Variants in ORC2 observed in about 807,000 individuals in gnomAD.
ORC2 encodes origin recognition complex protein 2 homolog.
In ORC2, 37 loss-of-function variants were observed where a neutral mutation model predicts 77.7. That is an observed-to-expected ratio of 0.48 (90% CI 0.37 to 0.63). The LOEUF is 0.63. ORC2 is among the 20% of genes least tolerant of loss of function. The probability of loss-of-function intolerance (pLI) is 0.00; values close to 1 mark genes in which losing one functional copy is unlikely to be tolerated. For synonymous variants in ORC2, 201 were observed against 229.5 expected (o/e 0.88, Z 1.12); for missense variants, 557 against 661.9 (o/e 0.84, Z 1.74).
At position 200,910,545 on chromosome 2, in the gene ORC2, AT is replaced by A. The variant is rs1362195505; in HGVS notation, c.*755del. The A allele has an allele frequency of 1.3e-5, 2 of 152,168 alleles. No individual in the cohort carries two copies. Among genetic ancestry groups the A allele is most frequent in the African/African-American group, 4.8e-5 (2 of 41,432 alleles). The allele number at this position is 152,168 out of a possible 1,614,324, so 9.4% of individuals were successfully genotyped here. A position where few individuals can be genotyped will look rare whatever the true frequency, so the allele number is the denominator to read the frequency against. The stretch of plus-strand genomic sequence containing the variant: ...AACAATTACTAAAATGTAATTCAGG[AT>A]TTTATTTCTCTAGCCTGGCTTCTCA... On this transcript the variant is annotated 3_prime_UTR_variant, in exon 18 of 18. Coordinates refer to ENST00000234296, the MANE Select transcript of ORC2 (RefSeq NM_006190.5).
intron 5 of ORC2, among the ~76,000 whole-genome samples, chr2:200,946,485 A>G (rs1465510509): frequency 1.3e-5 from 2 of 152,222 alleles, no homozygotes; most frequent in African/African-American, 2.4e-5. Flanking sequence ...AGTCTGTTAA[A>G]CTGCGTTCCT....
At chr2:200,915,312 C>A (rs1427410118) in intron 15 of ORC2, among the ~76,000 whole-genome samples, 3 of 151,276 alleles carry the variant, frequency 2.0e-5, no homozygotes, top group African/African-American at 7.4e-5. Flanking sequence ...ACAAGTTTTT[C>A]TTTTCTTTTT....
chr2:200,958,378 C>T (rs1409059005), intron 2 of ORC2, among the ~76,000 whole-genome samples: 1 of 151,992 alleles, frequency 6.6e-6, no homozygotes, highest in Non-Finnish European at 1.5e-5. Context: ...ATCAAGGTAG[C>T]TAAAATATAC....
At chr2:200,927,783 C>T (rs180712483) in intron 11 of ORC2, among the ~76,000 whole-genome samples, 113 of 151,396 alleles carry the variant, frequency 7.5e-4, no homozygotes, top group African/African-American at 2.5e-3. Flanking sequence ...CTGCAACCTC[C>T]GCCTCCCGGG....
Position 200,933,882 on chromosome 2 carries a change from C to A in ORC2, c.801G>T (p.Leu267=). ...RTLQKLKRAK[L]DQQTLRNLLS... ...AACATTCCTTGTAACATACCTGATC[C>A]AGTTTAGCTCTCTTTAGCTTCTGCA... Residue 267 remains leucine, a synonymous_variant, in exon 10 of 18, where the codon CTG becomes CTT. Coordinates refer to ENST00000234296, the MANE Select transcript of ORC2 (RefSeq NM_006190.5). 1 of 1,588,976 alleles carries A rather than the reference C, an allele frequency of 6.3e-7. No individual in the cohort carries two copies. The highest frequency in any genetic ancestry group is 1.7e-4 in the Middle Eastern group (1 of 5,916).
At chr2:200,918,805 G>A (rs2040704949) in intron 15 of ORC2, among the ~76,000 whole-genome samples, 1 of 151,864 alleles carries the variant, frequency 6.6e-6, no homozygotes, top group Non-Finnish European at 1.5e-5. Flanking sequence ...TTATTCTTTA[G>A]GAAACTAAAT....
intron 7 of ORC2, among the ~76,000 whole-genome samples, chr2:200,940,879 T>C (rs1427256886): frequency 6.6e-6 from 1 of 152,136 alleles, no homozygotes; most frequent in Non-Finnish European, 1.5e-5. Context: ...TAATGCATCT[T>C]GGGATCAAAC....
intron 5 of ORC2, among the ~76,000 whole-genome samples, chr2:200,944,539 A>C (rs1003486388): frequency 4.6e-5 from 7 of 151,852 alleles, no homozygotes; most frequent in Non-Finnish European, 1.0e-4. Context: ...ATGACTCAAC[A>C]TGTCTAATAA....
At position 200,914,563 on chromosome 2, in the gene ORC2, G is replaced by A. The variant is rs183957145; in HGVS notation, c.1467-571C>T. On this transcript the variant is annotated intron_variant, in intron 15 of 17. Transcript: ENST00000234296. ...GGAGACTGAGGTGGGAGGACTGCTT[G>A]AGCCCAGGAGTTTGAGACCACCCTG... Among the ~76,000 whole-genome samples the A allele has an allele frequency of 2.6e-5, 4 of 152,188 alleles. No homozygotes were observed. In the East Asian group the frequency reaches 7.7e-4, roughly 29 times the overall value.
At chr2:200,924,338 CTG>C (rs767163784) in intron 13 of ORC2, among the ~76,000 whole-genome samples, 82 of 150,690 alleles carry the variant, frequency 5.4e-4, no homozygotes, top group Middle Eastern at 3.4e-3. Flanking sequence ...GAGAGCAAGA[CTG>C]TGTTAAAAAA....
intron 14 of ORC2, 64 bp downstream of exon 14, chr2:200,920,924 TTTATA>T: frequency 2.6e-6 from 3 of 1,158,566 alleles, no homozygotes; most frequent in Non-Finnish European, 3.4e-6. Context: ...AATTTTCTGA[TTTATA>T]TTAATAGAAT....
chr2:200,921,187 T>C (rs1211500617), intron 13 of ORC2, 48 bp from the exon 14 acceptor site: 3 of 1,302,120 alleles, frequency 2.3e-6, no homozygotes, highest in Non-Finnish European at 3.1e-6. Context: ...TTTTAGAGGG[T>C]CTCACTCTGT....
At chr2:200,960,792 T>C (rs927283187) in intron 1 of ORC2, among the ~76,000 whole-genome samples, 7 of 152,178 alleles carry the variant, frequency 4.6e-5, no homozygotes, top group Admixed American at 6.5e-5. Flanking sequence ...TTCTTTTTTT[T>C]TTCTAAGATG....
chr2:200,934,578 C>T (rs552068994), intron 9 of ORC2, among the ~76,000 whole-genome samples: 6 of 151,878 alleles, frequency 4.0e-5, no homozygotes, highest in African/African-American at 1.2e-4. Context: ...ATCCTCCCAC[C>T]TTGCCCTCCC....
At chr2:200,955,007 A>G (rs994003811) in intron 4 of ORC2, among the ~76,000 whole-genome samples, 1 of 152,170 alleles carries the variant, frequency 6.6e-6, no homozygotes, top group African/African-American at 2.4e-5. Context: ...CAAGGCCAGT[A>G]GCAGGGGTAG....
intron 15 of ORC2, among the ~76,000 whole-genome samples, chr2:200,914,388 G>C (rs556382669): frequency 1.3e-5 from 2 of 151,970 alleles, no homozygotes; most frequent in African/African-American, 4.8e-5. Flanking sequence ...GGATGGTCTC[G>C]ATCTCCTGAT....
At chr2:200,960,831 C>A (rs1449994519) in intron 1 of ORC2, among the ~76,000 whole-genome samples, 1 of 151,990 alleles carries the variant, frequency 6.6e-6, no homozygotes, top group African/African-American at 2.4e-5. Flanking sequence ...GGCTGGAGTG[C>A]AGAGGCTCAG....
chr2:200,948,207 C>G (rs1159140676), intron 5 of ORC2, among the ~76,000 whole-genome samples: 1 of 152,034 alleles, frequency 6.6e-6, no homozygotes, highest in Non-Finnish European at 1.5e-5. Context: ...GCCACTGCAC[C>G]CAGCCTAATT....
At position 200,913,279 on chromosome 2, in the gene ORC2, A is replaced by G. The variant is rs963997310; in HGVS notation, c.1647+16T>C. The G allele has an allele frequency of 1.3e-6, 2 of 1,565,960 alleles. No individual in the cohort carries two copies. Among genetic ancestry groups the G allele is most frequent in the South Asian group, 1.1e-5 (1 of 89,332 alleles). On this transcript the variant is annotated intron_variant, in intron 17 of 17. Transcript: ENST00000234296. ...GACTATTCCTGGCATACAATGCTAC[A>G]ATAGTGGAGTCTTACCTTCTTTGTT... is the stretch of plus-strand genomic sequence containing the variant.
Sources: gnomAD v4.1 joint callset for allele counts (sites outside exome capture counted in the v4.1 genomes callset) on GRCh38, gnomAD v4.1.1 for gene constraint, MANE v1.5 for transcripts, NCBI Gene and HGNC (gene_info 2026-07-23, HGNC 2026-07-21) for gene names.